CTNNA3: variants seen among roughly 807,000 people sequenced by gnomAD.
CTNNA3 encodes the protein catenin alpha 3.
In CTNNA3, 76 loss-of-function variants were observed where a neutral mutation model predicts 95.7. That is an observed-to-expected ratio of 0.79 (90% CI 0.66 to 0.96). CTNNA3 has a LOEUF of 0.96. Ranked by LOEUF, CTNNA3 falls within the 40% of genes least tolerant of loss-of-function variation. The probability of loss-of-function intolerance (pLI) is 0.00; values close to 1 mark genes in which losing one functional copy is unlikely to be tolerated. For synonymous variants in CTNNA3, 431 were observed against 374.4 expected (o/e 1.15, Z -1.74); for missense variants, 1,191 against 1,089.8 (o/e 1.09, Z -1.31).
intron 14 of CTNNA3, chr10:66,085,026 T>G (rs2080926787): frequency 6.6e-6 from 1 of 152,102 alleles, no homozygotes; most frequent in South Asian, 2.1e-4. Flanking sequence ...CTCCTTGAGC[T>G]GCTCATGAGA....
At chr10:66,974,794 C>T (rs1455719546) in intron 7 of CTNNA3, among the ~76,000 whole-genome samples, 2 of 151,504 alleles carry the variant, frequency 1.3e-5, no homozygotes, top group Non-Finnish European at 2.9e-5. Flanking sequence ...CATGTGCTTA[C>T]CAACCATTTG....
At chr10:67,543,712 T>C (rs1840752631) in intron 3 of CTNNA3, among the ~76,000 whole-genome samples, 1 of 152,142 alleles carries the variant, frequency 6.6e-6, no homozygotes, top group Non-Finnish European at 1.5e-5. Context: ...CATACACATA[T>C]AACATGCATT....
chr10:67,365,980 T>A (rs1279377468), intron 5 of CTNNA3, among the ~76,000 whole-genome samples: 2 of 152,250 alleles, frequency 1.3e-5, no homozygotes, highest in Non-Finnish European at 2.9e-5. Context: ...CCAACCCAAA[T>A]GTCCAACAAT....
intron 11 of CTNNA3, among the ~76,000 whole-genome samples, chr10:66,449,707 A>G (rs955283557): frequency 6.6e-6 from 1 of 152,082 alleles, no homozygotes; most frequent in Non-Finnish European, 1.5e-5. Flanking sequence ...GGAGAACACC[A>G]TCATCTTAGA....
chr10:67,587,241 G>GTGTGTA (rs1491064340), intron 3 of CTNNA3, among the ~76,000 whole-genome samples: 2 of 143,532 alleles, frequency 1.4e-5, no homozygotes, highest in Non-Finnish European at 1.5e-5. Flanking sequence ...GTGTGTGTGT[G>GTGTGTA]TAGAGCCAGA....
At chr10:66,333,317 T>C (rs1320963441) in intron 12 of CTNNA3, among the ~76,000 whole-genome samples, 1 of 152,092 alleles carries the variant, frequency 6.6e-6, no homozygotes, top group African/African-American at 2.4e-5. Flanking sequence ...TTCATTGTGA[T>C]GTTAGGGTGT....
chr10:67,081,128 C>T (rs1162196561), intron 7 of CTNNA3, among the ~76,000 whole-genome samples: 1 of 152,144 alleles, frequency 6.6e-6, no homozygotes, highest in African/African-American at 2.4e-5. Context: ...TCAGTTCTGA[C>T]AGACAGAGCT....
intron 4 of CTNNA3, among the ~76,000 whole-genome samples, chr10:67,538,820 G>A (rs1341661786): frequency 6.6e-6 from 1 of 152,078 alleles, no homozygotes. Flanking sequence ...AGAGTTCTTT[G>A]CAACCTTTTC....
intron 9 of CTNNA3, among the ~76,000 whole-genome samples, chr10:66,669,933 G>A (rs992315822): frequency 6.6e-6 from 1 of 152,052 alleles, no homozygotes; most frequent in Non-Finnish European, 1.5e-5. Flanking sequence ...GGAGAGGAAG[G>A]GGGGATAAAA....
intron 12 of CTNNA3, among the ~76,000 whole-genome samples, chr10:66,297,838 C>A (rs2091803581): frequency 6.6e-6 from 1 of 152,274 alleles, no homozygotes; most frequent in South Asian, 2.1e-4. Context: ...GTTTGGGCCA[C>A]TGACTGTTTG....
intron 3 of CTNNA3, among the ~76,000 whole-genome samples, chr10:67,574,311 C>A (rs1376612361): frequency 3.9e-5 from 6 of 152,184 alleles, no homozygotes; most frequent in Admixed American, 3.3e-4. Context: ...TTACTCCCTA[C>A]AATGAAATAT....
intron 14 of CTNNA3, among the ~76,000 whole-genome samples, chr10:66,076,359 G>A (rs968956602): frequency 6.6e-6 from 1 of 151,528 alleles, no homozygotes; most frequent in African/African-American, 2.4e-5. Context: ...ATTTAAGCAA[G>A]ATTTATGCAT....
At chr10:67,042,784 T>A (rs1408909597) in intron 7 of CTNNA3, among the ~76,000 whole-genome samples, 1 of 152,032 alleles carries the variant, frequency 6.6e-6, no homozygotes, top group Non-Finnish European at 1.5e-5. Context: ...AACAAAGAAG[T>A]CCATGGTGTC....
At chr10:66,613,066 A>C in intron 10 of CTNNA3, among the ~76,000 whole-genome samples, 1 of 152,100 alleles carries the variant, frequency 6.6e-6, no homozygotes, top group East Asian at 1.9e-4. Context: ...GCTTAATATC[A>C]CAGCACACAC....
chr10:66,986,500 A>AAACTG (rs368445839), intron 7 of CTNNA3, among the ~76,000 whole-genome samples: 1 of 54,408 alleles, frequency 1.8e-5, no homozygotes, highest in Non-Finnish European at 4.9e-5. Flanking sequence ...CCATCTTGCT[A>AAACTG]AACTAAACTA....
At chr10:66,582,261 G>C (rs1911308) in intron 10 of CTNNA3, among the ~76,000 whole-genome samples, 145,215 of 151,948 alleles carry the variant, frequency 0.96, 69,803 homozygotes, top group Middle Eastern at 0.99. Context: ...GATATTGATT[G>C]TTCTAACCCA....
intron 11 of CTNNA3, among the ~76,000 whole-genome samples, chr10:66,444,699 G>A (rs966045767): frequency 2.6e-5 from 4 of 152,200 alleles, no homozygotes; most frequent in South Asian, 2.1e-4. Flanking sequence ...AGCAACAACC[G>A]GTACCAGCCA....
chr10:66,526,429 T>C (rs1223044003), intron 10 of CTNNA3, among the ~76,000 whole-genome samples: 1 of 152,102 alleles, frequency 6.6e-6, no homozygotes, highest in Non-Finnish European at 1.5e-5. Flanking sequence ...TCAGGTGATC[T>C]ACTGGCCTCA....
intron 7 of CTNNA3, among the ~76,000 whole-genome samples, chr10:67,170,345 C>G (rs1426199740): frequency 6.6e-6 from 1 of 152,086 alleles, no homozygotes; most frequent in Non-Finnish European, 1.5e-5. Context: ...GCATGATTCA[C>G]AGCAAAAACA....
Sources: gnomAD v4.1 joint callset for allele counts (sites outside exome capture counted in the v4.1 genomes callset) on GRCh38, gnomAD v4.1.1 for gene constraint, MANE v1.5 for transcripts, NCBI Gene and HGNC (gene_info 2026-07-23, HGNC 2026-07-21) for gene names.